COL19A1: variants seen among roughly 807,000 people sequenced by gnomAD.
COL19A1 encodes the protein collagen alpha-1(XIX) chain.
Under a neutral mutation model 190.2 loss-of-function variants are expected in COL19A1, and 159 were observed. That is an observed-to-expected ratio of 0.84 (90% CI 0.73 to 0.95). COL19A1 has a LOEUF of 0.95. Among genes scored for constraint, COL19A1 ranks in the 40% least tolerant of loss-of-function variants. The pLI, the probability that COL19A1 is intolerant of heterozygous loss-of-function variation, is 0.00. For missense variants in COL19A1, 1,418 were observed against 1,431.9 expected (o/e 0.99, Z 0.16); for synonymous variants, 509 against 458.9 (o/e 1.11, Z -1.39).
intron 11 of COL19A1, among the ~76,000 whole-genome samples, chr6:69,985,774 A>G (rs12203950): frequency 0.01 from 1,560 of 152,296 alleles, 15 homozygotes; most frequent in Non-Finnish European, 0.014. Flanking sequence ...AATGCATATT[A>G]TTAATTTTAC....
At chr6:69,895,995 A>AT (rs1263745175) in intron 2 of COL19A1, among the ~76,000 whole-genome samples, 1 of 152,070 alleles carries the variant, frequency 6.6e-6, no homozygotes, top group Non-Finnish European at 1.5e-5. Context: ...GGTTCATTGA[A>AT]TTTTCAAGTC....
chr6:70,194,206 C>T (rs1345411207), intron 48 of COL19A1, among the ~76,000 whole-genome samples: 2 of 152,210 alleles, frequency 1.3e-5, no homozygotes, highest in Middle Eastern at 3.2e-3. Context: ...AGATCCTGCT[C>T]TCCAACTTTA....
intron 11 of COL19A1, among the ~76,000 whole-genome samples, chr6:69,984,016 G>A (rs1168719210): frequency 2.6e-5 from 4 of 152,022 alleles, no homozygotes; most frequent in Non-Finnish European, 4.4e-5. Flanking sequence ...AGGAGTATGT[G>A]TAATATCTGT....
chr6:70,064,097 A>G (rs1176412264), intron 14 of COL19A1, among the ~76,000 whole-genome samples: 1 of 152,198 alleles, frequency 6.6e-6, no homozygotes, highest in Middle Eastern at 3.2e-3. Flanking sequence ...AATCAATAGA[A>G]AAAGAGAGAA....
rs756639236 is a variant in COL19A1, at chr6:70,144,963, A to G, written c.1726A>G (p.Lys576Glu). ...AGGCCCTCCCGGGCTTCCAGGTCCA[A>G]AAGGTGAGGCTGGTCCTCCAGGGAA... ...IIGPPGLPGPKGEAGPPGKSL... is the reference protein window; with the variant it reads ...IIGPPGLPGPEGEAGPPGKSL... Residue 576 changes from lysine (K) to glutamate (E), a missense_variant, in exon 25 of 51, where the codon AAA becomes GAA. By Grantham distance (56) the Lys-to-Glu change is moderately conservative. Coordinates refer to ENST00000620364, the MANE Select transcript of COL19A1 (RefSeq NM_001858.6). 3 of 1,594,776 alleles carry G rather than the reference A, an allele frequency of 1.9e-6. No homozygotes were observed. Among genetic ancestry groups the G allele is most frequent in the African/African-American group, 2.7e-5 (2 of 74,590 alleles).
intron 1 of COL19A1, chr6:69,867,334 A>C (rs1767523943): frequency 6.5e-6 from 1 of 153,012 alleles, no homozygotes; most frequent in Non-Finnish European, 1.5e-5. Context: ...ACCCTGCAGC[A>C]TGCGCAGCGC....
chr6:70,114,151 C>G (rs891236174), intron 16 of COL19A1, among the ~76,000 whole-genome samples: 1 of 152,046 alleles, frequency 6.6e-6, no homozygotes, highest in Non-Finnish European at 1.5e-5. Flanking sequence ...GTGCCCAGCC[C>G]TTTCAAAAGG....
intron 16 of COL19A1, among the ~76,000 whole-genome samples, chr6:70,109,786 G>A (rs1316668037): frequency 6.6e-6 from 1 of 152,070 alleles, no homozygotes; most frequent in African/African-American, 2.4e-5. Context: ...GAATCCACTG[G>A]ATATCACTTT....
intron 15 of COL19A1, among the ~76,000 whole-genome samples, chr6:70,090,402 A>T (rs553124484): frequency 4.3e-4 from 66 of 152,240 alleles, no homozygotes; most frequent in African/African-American, 1.5e-3. Flanking sequence ...CATTGTACGT[A>T]TTATAAGTAA....
intron 11 of COL19A1, among the ~76,000 whole-genome samples, chr6:70,001,270 A>C (rs1777247781): frequency 6.6e-6 from 1 of 152,162 alleles, no homozygotes; most frequent in African/African-American, 2.4e-5. Context: ...TGGTTACTGT[A>C]GCTTTGTAGT....
intron 15 of COL19A1, among the ~76,000 whole-genome samples, chr6:70,070,088 C>T (rs1440272648): frequency 6.6e-6 from 1 of 152,020 alleles, no homozygotes; most frequent in Non-Finnish European, 1.5e-5. Context: ...GTATTTGAAC[C>T]CTACCACCTT....
chr6:70,001,548 G>A (rs1777265265), intron 11 of COL19A1, among the ~76,000 whole-genome samples: 1 of 152,116 alleles, frequency 6.6e-6, no homozygotes, highest in Non-Finnish European at 1.5e-5. Context: ...ATTTCCTTAA[G>A]CAGTGGTTTG....
intron 25 of COL19A1, among the ~76,000 whole-genome samples, chr6:70,145,630 T>C (rs192871182): frequency 6.6e-6 from 1 of 152,144 alleles, no homozygotes; most frequent in African/African-American, 2.4e-5. Context: ...CAACATGCAA[T>C]TTACTCATGT....
intron 9 of COL19A1, among the ~76,000 whole-genome samples, chr6:69,941,960 G>A (rs192021944): frequency 6.6e-6 from 1 of 152,226 alleles, no homozygotes; most frequent in Admixed American, 6.5e-5. Context: ...AAAGGGCTAG[G>A]ATTACAGGTG....
chr6:69,939,584 G>A (rs1362297539), intron 9 of COL19A1, among the ~76,000 whole-genome samples: 1 of 152,062 alleles, frequency 6.6e-6, no homozygotes, highest in Non-Finnish European at 1.5e-5. Flanking sequence ...TCAGTATTAT[G>A]TATCTGTGTT....
chr6:70,124,140 T>C (rs1041272343), intron 17 of COL19A1, among the ~76,000 whole-genome samples: 45 of 152,048 alleles, frequency 3.0e-4, no homozygotes, highest in African/African-American at 1.0e-3. Flanking sequence ...TTTCAAAATA[T>C]TAAGGCTTAG....
intron 47 of COL19A1, among the ~76,000 whole-genome samples, chr6:70,188,866 T>A (rs1766688560): frequency 6.6e-6 from 1 of 152,160 alleles, no homozygotes; most frequent in Non-Finnish European, 1.5e-5. Context: ...GGTCTTGAAG[T>A]GAAGTAGGGC....
intron 1 of COL19A1, among the ~76,000 whole-genome samples, chr6:69,873,391 T>G (rs1036090670): frequency 4.6e-5 from 7 of 152,192 alleles, no homozygotes; most frequent in African/African-American, 1.7e-4. Context: ...GCAGGCATTA[T>G]GGACACAACT....
chr6:70,157,878 A>G (rs548343393), intron 34 of COL19A1, among the ~76,000 whole-genome samples: 1 of 152,252 alleles, frequency 6.6e-6, no homozygotes, highest in Non-Finnish European at 1.5e-5. Flanking sequence ...ATTGGAATTC[A>G]GGTTTTGTAT....
Sources: allele counts gnomAD v4.1 joint callset (sites outside exome capture counted in the v4.1 genomes callset), GRCh38; gene constraint gnomAD v4.1.1; transcripts MANE v1.5; gene names NCBI Gene and HGNC (gene_info 2026-07-23, HGNC 2026-07-21).